Variants in RNF19A observed in about 807,000 individuals in gnomAD.
The protein encoded by RNF19A is E3 ubiquitin-protein ligase RNF19A.
Under a neutral mutation model 75.7 loss-of-function variants are expected in RNF19A, and 32 were observed. That is an observed-to-expected ratio of 0.42 (90% CI 0.32 to 0.57). RNF19A has a LOEUF of 0.57. RNF19A is among the 20% of genes least tolerant of loss of function. The pLI is 0.10. For missense variants in RNF19A, 782 were observed against 1,036.3 expected, an observed-to-expected ratio of 0.75 and a Z score of 3.37; for synonymous variants, 335 against 345.2, an observed-to-expected ratio of 0.97 and a Z score of 0.33.
chr8:100,270,689 C>T lies in RNF19A; in HGVS notation c.884-676G>A, dbSNP rs377481976. Among the ~76,000 whole-genome samples, 7 of 152,158 alleles carry T rather than the reference C, an allele frequency of 4.6e-5. No homozygotes were observed. The South Asian group carries it at 1.2e-3, about 27-fold the overall frequency. On this transcript the variant is annotated intron_variant, in intron 3 of 9. Coordinates refer to ENST00000341084, the MANE Select transcript of RNF19A (RefSeq NM_183419.4). ...TAAGGAAGGGTCATATGGCTATGAA[C>T]GTTATAAACCATGGAAAACAGTTTC... is the stretch of plus-strand genomic sequence containing the variant.
At chr8:100,280,583 CAT>C (rs545087557) in intron 2 of RNF19A, among the ~76,000 whole-genome samples, 82 of 152,232 alleles carry the variant, frequency 5.4e-4, no homozygotes, top group Admixed American at 4.4e-3. Context: ...CGAAGAAAAA[CAT>C]GTTTACTTTA....
chr8:100,264,068 A>G lies in RNF19A; in HGVS notation c.1434T>C (p.Asn478=). The part of the protein sequence containing the change: ...KGVRIEFDDE[N]DINVGGTNTA... ...TGTTAGTTCCACCAACATTTATATC[A>G]TTTTCATCATCAAATTCAATCCTAA... Residue 478 remains asparagine, a synonymous_variant, in exon 7 of 10, where the codon AAT becomes AAC. Coordinates refer to ENST00000341084, the MANE Select transcript of RNF19A (RefSeq NM_183419.4). This position sits in a 1 kb window ranked among gnomAD's most constrained non-coding sequence, Gnocchi z 4.7. The G allele has an allele frequency of 2.5e-6, 4 of 1,613,610 alleles. No individual in the cohort carries two copies.
chr8:100,292,435 G>GTGTGT, intron 1 of RNF19A, among the ~76,000 whole-genome samples: 1 of 145,432 alleles, frequency 6.9e-6, no homozygotes, highest in East Asian at 2.0e-4. Flanking sequence ...CTATCATATG[G>GTGTGT]GTGTGTGTGT....
At position 100,284,530 on chromosome 8, in the gene RNF19A, G is replaced by A. The variant is rs183894647; in HGVS notation, c.674+2971C>T. 5.3e-5 allele frequency among the ~76,000 whole-genome samples: 8 copies of A among 152,032 alleles called. No individual in the cohort carries two copies. Among genetic ancestry groups the A allele is most frequent in the Admixed American group, 3.9e-4 (6 of 15,276 alleles). On this transcript the variant is annotated intron_variant, in intron 2 of 9. Transcript: ENST00000341084. The surrounding 1 kb of genome is among the most constrained non-coding windows in gnomAD (Gnocchi z 4.3). ...ATTAATGTATGGCCAAATTAATCACGGACAATTATTTGTTAAATTTATATA... is the reference window on the plus strand; with the variant it reads ...ATTAATGTATGGCCAAATTAATCACAGACAATTATTTGTTAAATTTATATA...
At chr8:100,282,301 C>T (rs1820815938) in intron 2 of RNF19A, among the ~76,000 whole-genome samples, 1 of 152,112 alleles carries the variant, frequency 6.6e-6, no homozygotes, top group South Asian at 2.1e-4. Flanking sequence ...GAGTAATATA[C>T]AGATTGAGCA....
intron 1 of RNF19A, among the ~76,000 whole-genome samples, chr8:100,335,892 G>A (rs919928642): frequency 6.6e-6 from 1 of 152,250 alleles, no homozygotes; most frequent in Non-Finnish European, 1.5e-5. Context: ...ATTGGGCAAA[G>A]AGCCCACACG....
rs532400582 is a variant in RNF19A at position 100,297,734 on chromosome 8, T to C, written c.-93-9467A>G. 4.0e-4 allele frequency among the ~76,000 whole-genome samples: 61 copies of C among 152,320 alleles called. No individual in the cohort carries two copies. The South Asian group carries it at 0.012, about 31-fold the overall frequency. On this transcript the variant is annotated intron_variant, in intron 1 of 9. Transcript: ENST00000341084. Reference sequence around the variant, plus strand: ...GTTCTTTGTGTGAGTGAGAAATAAATTGTTATTGTGTTCCACCATGAGATT... The same window carrying C: ...GTTCTTTGTGTGAGTGAGAAATAAACTGTTATTGTGTTCCACCATGAGATT...
intron 3 of RNF19A, among the ~76,000 whole-genome samples, chr8:100,274,649 T>A (rs990459658): frequency 1.5e-4 from 23 of 152,270 alleles, no homozygotes; most frequent in African/African-American, 5.3e-4. Context: ...CCTCCCAAAG[T>A]ACTGGGATTA....
rs115304107 is a variant in RNF19A, at chr8:100,281,661, C to T, written c.674+5840G>A. ...AATGACACTGTCTCTCATGTCACGT[C>T]GATTAAAAGAGAATGAAGAAAAAGT... is the stretch of plus-strand genomic sequence containing the variant. On this transcript the variant is annotated intron_variant, in intron 2 of 9. Coordinates refer to ENST00000341084, the MANE Select transcript of RNF19A (RefSeq NM_183419.4). 7.5e-3 allele frequency among the ~76,000 whole-genome samples: 1,142 copies of T among 152,056 alleles called. 16 individuals carry two copies. The highest frequency in any genetic ancestry group is 0.026 in the African/African-American group (1,066 of 41,460).
At chr8:100,279,667 G>A (rs1820689798) in intron 2 of RNF19A, among the ~76,000 whole-genome samples, 1 of 152,138 alleles carries the variant, frequency 6.6e-6, no homozygotes, top group Non-Finnish European at 1.5e-5. Context: ...CAGATTACAG[G>A]GGCGCATCAC....
chr8:100,321,172 G>A (rs945479509), intron 1 of RNF19A, among the ~76,000 whole-genome samples: 12 of 152,222 alleles, frequency 7.9e-5, no homozygotes, highest in Non-Finnish European at 1.6e-4. Context: ...AGATTTCTCT[G>A]TAGCATGCAC....
chr8:100,259,897 C>G lies in RNF19A; in HGVS notation c.1783G>C (p.Ala595Pro). The G allele has an allele frequency of 6.2e-7, 1 of 1,613,922 alleles. No individual in the cohort carries two copies. The highest frequency in any genetic ancestry group is 1.3e-5 in the African/African-American group (1 of 75,018). Residue 595 changes from alanine to proline, a missense_variant, in exon 9 of 10, where the codon GCA (alanine) becomes CCA (proline). Transcript: ENST00000341084. This position sits in a 1 kb window ranked among gnomAD's most constrained non-coding sequence, Gnocchi z 4.5. ...GTVSDNASTK[A>P]MAGSILNSYI... ...GAATTCAGAATGGATCCTGCCATTG[C>G]TTTGGTGCTGGCATTATCACTAACT...
chr8:100,316,288 A>G (rs944287989), intron 1 of RNF19A, among the ~76,000 whole-genome samples: 3 of 152,096 alleles, frequency 2.0e-5, no homozygotes, highest in Non-Finnish European at 4.4e-5. Context: ...CCAAAGGGTG[A>G]GCAGTAGCAA....
intron 1 of RNF19A, among the ~76,000 whole-genome samples, chr8:100,292,519 CAA>C (rs1305632826): frequency 6.6e-6 from 1 of 151,088 alleles, no homozygotes; most frequent in African/African-American, 2.4e-5. Context: ...GTAGAAATTT[CAA>C]AAGTTTTTAA....
At chr8:100,263,539 A>G (rs1819825204) in intron 7 of RNF19A, among the ~76,000 whole-genome samples, 1 of 152,226 alleles carries the variant, frequency 6.6e-6, no homozygotes, top group Non-Finnish European at 1.5e-5. Context: ...CAAATTTCTA[A>G]AACAAGAATT....
intron 1 of RNF19A, among the ~76,000 whole-genome samples, chr8:100,298,310 A>G (rs1213899584): frequency 2.6e-5 from 4 of 152,170 alleles, no homozygotes; most frequent in Non-Finnish European, 5.9e-5. Flanking sequence ...TACATTATTA[A>G]AGTACACGAA....
intron 1 of RNF19A, among the ~76,000 whole-genome samples, chr8:100,315,132 T>C (rs1360879934): frequency 6.6e-6 from 1 of 152,078 alleles, no homozygotes; most frequent in Non-Finnish European, 1.5e-5. Flanking sequence ...TCTAGGAGTT[T>C]TGTCGTGTGC....
chr8:100,315,622 G>A (rs550173392), intron 1 of RNF19A, among the ~76,000 whole-genome samples: 16 of 152,224 alleles, frequency 1.1e-4, no homozygotes, highest in Admixed American at 9.8e-4. Flanking sequence ...TCCCAGCAGG[G>A]TCATGGAAAT....
chr8:100,319,796 C>T (rs1046298542), intron 1 of RNF19A, among the ~76,000 whole-genome samples: 1 of 150,548 alleles, frequency 6.6e-6, no homozygotes, highest in Non-Finnish European at 1.5e-5. Flanking sequence ...TCCCAAAGTG[C>T]TGGGATTACA....
Sources: allele counts gnomAD v4.1 joint callset (sites outside exome capture counted in the v4.1 genomes callset), GRCh38; gene constraint gnomAD v4.1.1; non-coding constraint Gnocchi (gnomAD v3.1); transcripts MANE v1.5; gene names NCBI Gene and HGNC (gene_info 2026-07-23, HGNC 2026-07-21).